Variants in STRBP observed in about 807,000 individuals in gnomAD.
STRBP encodes the protein spermatid perinuclear RNA binding protein.
In STRBP, 13 loss-of-function variants were observed where a neutral mutation model predicts 80.1. The ratio of observed to expected loss-of-function variants is 0.16; its 90% confidence interval spans 0.11 to 0.26. The LOEUF is 0.26. STRBP is among the 10% of genes least tolerant of loss of function. STRBP has a pLI of 1.00. For synonymous variants in STRBP, 284 were observed against 291.2 expected (o/e 0.98, Z 0.25); for missense variants, 485 against 815.2 (o/e 0.59, Z 4.93).
At chr9:123,131,602 C>A (rs928484295) in intron 17 of STRBP, among the ~76,000 whole-genome samples, 1 of 152,222 alleles carries the variant, frequency 6.6e-6, no homozygotes, top group African/African-American at 2.4e-5. Flanking sequence ...CCTCCAGGGA[C>A]CCACTAAACT....
At chr9:123,249,755 G>A (rs535009905) in intron 1 of STRBP, among the ~76,000 whole-genome samples, 3 of 152,332 alleles carry the variant, frequency 2.0e-5, no homozygotes, top group East Asian at 3.9e-4. Context: ...AGTTCTGCAA[G>A]TGTGGTTTAG....
Position 123,147,684 on chromosome 9 carries a change from A to C in STRBP, c.1138+94T>G, listed in dbSNP as rs2036876304. ...CAGAATGAGAACCGATCTCAAAAAA[A>C]AAAAAAAAAAAAAAACCCTTCACTT... On this transcript the variant is annotated intron_variant, in intron 12 of 18. Coordinates refer to ENST00000348403, the MANE Select transcript of STRBP (RefSeq NM_018387.5). The C allele has an allele frequency of 3.2e-5, 34 of 1,073,028 alleles. No homozygotes were observed. The South Asian group carries it at 5.5e-4, about 17-fold the overall frequency. 66.5% of individuals were successfully genotyped at this position (1,073,028 alleles called of 1,614,324 possible). A position where few individuals can be genotyped will look rare whatever the true frequency, so the allele number is the denominator to read the frequency against.
intron 5 of STRBP, among the ~76,000 whole-genome samples, chr9:123,170,755 C>T (rs1049485091): frequency 1.3e-5 from 2 of 151,962 alleles, no homozygotes; most frequent in African/African-American, 4.8e-5. Flanking sequence ...AAAATAATCA[C>T]CTGATCAGAA....
At chr9:123,144,242 T>TA (rs2036718329) in intron 13 of STRBP, among the ~76,000 whole-genome samples, 2 of 152,018 alleles carry the variant, frequency 1.3e-5, no homozygotes, top group South Asian at 2.1e-4. Context: ...ATCCTATTTT[T>TA]AAAAAACATA....
At chr9:123,265,555 T>C (rs1425104999) in intron 1 of STRBP, among the ~76,000 whole-genome samples, 1 of 152,220 alleles carries the variant, frequency 6.6e-6, no homozygotes, top group Non-Finnish European at 1.5e-5. Context: ...TCCAAGATTC[T>C]AGGAAACCTT....
chr9:123,171,228 T>C (rs1167361925), intron 5 of STRBP, among the ~76,000 whole-genome samples: 1 of 152,270 alleles, frequency 6.6e-6, no homozygotes, highest in Admixed American at 6.5e-5. Flanking sequence ...AATATGCATT[T>C]TGTGCTAGAG....
chr9:123,116,060 C>T (rs2035639998), exon 3 of STRBP: 2 of 456,024 alleles, frequency 4.4e-6, no homozygotes, highest in South Asian at 1.5e-5. Context: ...GGTTTTTTAC[C>T]TCCCAGATGA....
At position 123,123,671 on chromosome 9, in the gene STRBP, C is replaced by T. The variant is rs776332620; in HGVS notation, c.*1926G>A. On this transcript the variant is annotated 3_prime_UTR_variant, in exon 19 of 19. Coordinates refer to ENST00000348403, the MANE Select transcript of STRBP (RefSeq NM_018387.5). ...CAGCTACTTCAAAAGAATTTTCTAA[C>T]GAGAAATATCTAGAGATTCCAACGT... The T allele has an allele frequency of 1.7e-5, 17 of 985,182 alleles. No individual in the cohort carries two copies. The highest frequency in any genetic ancestry group is 5.2e-4 in the Middle Eastern group (1 of 1,936). 61.0% of individuals were successfully genotyped at this position (985,182 alleles called of 1,614,324 possible).
rs192842678 is a variant in STRBP at position 123,149,108 on chromosome 9, C to T, written c.1046-1238G>A. On this transcript the variant is annotated intron_variant, in intron 11 of 18. Transcript: ENST00000348403. ...TGTTTTTCCTAAGGAAAATTATGCT[C>T]AAGATACTCATGCCACAAGATTTCC... Among the ~76,000 whole-genome samples the T allele has an allele frequency of 5.2e-4, 79 of 152,268 alleles. 1 individual carries two copies. The highest frequency in any genetic ancestry group is 7.8e-4 in the Non-Finnish European group (53 of 68,018).
rs764845830 is a variant in STRBP, at chr9:123,184,176, CCT to C, written c.-44_-43del. 8.1e-6 allele frequency: 13 copies of C among 1,605,512 alleles called. No individual in the cohort carries two copies. The highest frequency in any genetic ancestry group is 4.5e-5 in the East Asian group (2 of 44,748). ...TTAGCTTCTTTTTCCGATCCTTTCCCCTCTTTCTTGTCGTCTTCACTAGACAC... is the reference window on the plus strand; with the variant it reads ...TTAGCTTCTTTTTCCGATCCTTTCCCCTTTCTTGTCGTCTTCACTAGACAC... On this transcript the variant is annotated 5_prime_UTR_variant, in exon 3 of 19. An upstream open reading frame in the 5' UTR gains an earlier in-frame stop. Transcript: ENST00000348403.
chr9:123,166,334 T>C (rs1465471746), intron 6 of STRBP, among the ~76,000 whole-genome samples: 1 of 152,216 alleles, frequency 6.6e-6, no homozygotes, highest in African/African-American at 2.4e-5. Context: ...AGCAACTACT[T>C]TGTGCCAGTT....
At chr9:123,255,697 T>C (rs2041013441) in intron 1 of STRBP, among the ~76,000 whole-genome samples, 1 of 152,158 alleles carries the variant, frequency 6.6e-6, no homozygotes, top group Non-Finnish European at 1.5e-5. Flanking sequence ...AGCAACTGAG[T>C]CTTACTTCTC....
At chr9:123,265,726 T>G (rs1017859928) in intron 1 of STRBP, among the ~76,000 whole-genome samples, 3 of 152,330 alleles carry the variant, frequency 2.0e-5, no homozygotes, top group African/African-American at 4.8e-5. Context: ...GAAGGCCATA[T>G]GTCCGCCCAA....
In STRBP at chr9:123,122,770, G is replaced by A. The variant is rs569154923; in HGVS notation, c.*2827C>T. ...AGAAATTATAGTAACGCTAACTGAC[G>A]CAGTCAGGAATGTAACTATTTATGT... On this transcript the variant is annotated 3_prime_UTR_variant, in exon 19 of 19. Coordinates refer to ENST00000348403, the MANE Select transcript of STRBP (RefSeq NM_018387.5). 33 of 992,030 alleles carry A rather than the reference G, an allele frequency of 3.3e-5. 1 individual carries two copies. The East Asian group carries it at 2.7e-3, about 80-fold the overall frequency. The allele number at this position is 992,030 out of a possible 1,614,324, so 61.5% of individuals were successfully genotyped here.
chr9:123,130,357 T>C (rs996868077), intron 17 of STRBP, among the ~76,000 whole-genome samples: 1 of 152,196 alleles, frequency 6.6e-6, no homozygotes, highest in Non-Finnish European at 1.5e-5. Context: ...AATAACTTCA[T>C]TTTTAAAAGC....
At chr9:123,112,483 T>G (rs1429011352) in intron 3 of STRBP, 2 of 167,374 alleles carry the variant, frequency 1.2e-5, no homozygotes, top group African/African-American at 4.8e-5. Flanking sequence ...CACGTCAGAC[T>G]GGCAGCAGCT....
chr9:123,138,851 T>C (rs1233966778), intron 14 of STRBP, among the ~76,000 whole-genome samples: 5 of 152,230 alleles, frequency 3.3e-5, no homozygotes, highest in African/African-American at 7.2e-5. Flanking sequence ...TACTTATTCA[T>C]ACAAATGACA....
chr9:123,225,709 T>A (rs2040214384), intron 2 of STRBP, among the ~76,000 whole-genome samples: 1 of 152,322 alleles, frequency 6.6e-6, no homozygotes, highest in South Asian at 2.1e-4. Flanking sequence ...GTGCCTAGAA[T>A]CTTGTTCCTG....
intron 16 of STRBP, among the ~76,000 whole-genome samples, chr9:123,134,406 C>CGTA (rs1463132927): frequency 6.6e-6 from 1 of 151,800 alleles, no homozygotes; most frequent in Non-Finnish European, 1.5e-5. Flanking sequence ...TGGGCAGGAA[C>CGTA]CTCTACCTCT....
Sources: allele counts gnomAD v4.1 joint callset (sites outside exome capture counted in the v4.1 genomes callset), GRCh38; gene constraint gnomAD v4.1.1; transcripts MANE v1.5; gene names NCBI Gene and HGNC (gene_info 2026-07-23, HGNC 2026-07-21).